The following RTP1 variants were observed in gnomAD, a reference collection of about 807,000 sequenced individuals.
The protein encoded by RTP1 is receptor-transporting protein 1.
A neutral mutation model predicts 27.1 loss-of-function variants in RTP1; 24 were observed. That is an observed-to-expected ratio of 0.89 (90% CI 0.64 to 1.25). The LOEUF (loss-of-function observed/expected upper bound fraction) is 1.25. Among genes scored for constraint, RTP1 ranks in the 50% most tolerant of loss-of-function variants. RTP1 has a pLI of 0.00. For synonymous variants in RTP1, 148 were observed against 148.1 expected (o/e 1.00, Z 0.00); for missense variants, 338 against 351.6 (o/e 0.96, Z 0.31).
chr3:187,199,821 G>T lies in RTP1; in HGVS notation c.543G>T (p.Gln181His). 1 of 1,608,886 alleles carries T rather than the reference G, an allele frequency of 6.2e-7. No homozygotes were observed. Among genetic ancestry groups the T allele is most frequent in the Non-Finnish European group, 8.5e-7 (1 of 1,175,984 alleles). The change falls in exon 2 of 2, where the codon CAG (glutamine) becomes CAT (histidine). Residue 181 changes from glutamine (Q) to histidine (H), a missense_variant. By Grantham distance (24) the Gln-to-His change is conservative. Around this residue, in one of 3 missense-constraint regions of RTP1, gnomAD observed 252 missense variants for 231.5 expected, o/e 1.09. Transcript: ENST00000312295. The part of the protein sequence containing the change: ...GQYRIHVASR[Q>H]DNRRHRGEFC... ...ACCGCATCCACGTGGCCAGCCGCCA[G>T]GACAACCGGCGGCACCGCGGAGAGT...
chr3:187,198,043 G>T (rs887978645), intron 1 of RTP1: 5 of 490,008 alleles, frequency 1.0e-5, no homozygotes, highest in Admixed American at 6.7e-5. Flanking sequence ...GGAAAATAAA[G>T]ACATAGAATA....
At chr3:187,199,481 C>G (rs1041897665) in intron 1 of RTP1, 70 bp from the exon 2 acceptor site, 4 of 1,501,846 alleles carry the variant, frequency 2.7e-6, no homozygotes, top group Non-Finnish European at 3.6e-6. Flanking sequence ...CGTCCCCTCA[C>G]GCCATTCCTA....
chr3:187,198,971 C>A (rs1721652802), intron 1 of RTP1, among the ~76,000 whole-genome samples: 1 of 152,104 alleles, frequency 6.6e-6, no homozygotes, highest in Non-Finnish European at 1.5e-5. Flanking sequence ...CTGCCCCAGA[C>A]CTGGCTGGGG....
intron 1 of RTP1, among the ~76,000 whole-genome samples, chr3:187,198,374 C>T (rs901527167): frequency 1.8e-4 from 28 of 152,176 alleles, no homozygotes; most frequent in Non-Finnish European, 4.0e-4. Flanking sequence ...ATCGGCATCA[C>T]CTGGAATTTG....
At position 187,200,211 on chromosome 3, in the gene RTP1, C is replaced by T; in HGVS notation, c.*141C>T. On this transcript the variant is annotated 3_prime_UTR_variant, in exon 2 of 2. Coordinates refer to ENST00000312295, the MANE Select transcript of RTP1 (RefSeq NM_153708.3). ...CAGTGGGGATCTTGGACAAATTATA[C>T]AGTTTTTCCATCTATAAAACTCAGG... is the stretch of plus-strand genomic sequence containing the variant. 1.5e-6 allele frequency: 1 copy of T among 682,674 alleles called. No homozygotes were observed. The highest frequency in any genetic ancestry group is 2.2e-6 in the Non-Finnish European group (1 of 462,110). The allele number at this position is 682,674 out of a possible 1,614,324, so 42.3% of individuals were successfully genotyped here.
In RTP1 at chr3:187,197,682, A is replaced by T; in HGVS notation, c.167A>T (p.Glu56Val). The T allele has an allele frequency of 6.2e-7, 1 of 1,614,184 alleles. No homozygotes were observed. The highest frequency in any genetic ancestry group is 8.5e-7 in the Non-Finnish European group (1 of 1,180,024). Reference protein sequence around the residue: ...WKKVFYEKMEEAKPADSWDLI... With the variant: ...WKKVFYEKMEVAKPADSWDLI... The stretch of plus-strand genomic sequence containing the variant: ...AAAGTCTTCTATGAGAAGATGGAGG[A>T]GGCAAAGCCGGCTGACAGCTGGGAC... Residue 56 changes from glutamate (E) to valine (V), a missense_variant, in exon 1 of 2, where the codon GAG becomes GTG. By Grantham distance (121) the Glu-to-Val change is moderately radical (BLOSUM62 -2). This residue lies in a region of RTP1 where 64 missense variants were observed against 74.5 expected (regional missense o/e 0.86). Coordinates refer to ENST00000312295, the MANE Select transcript of RTP1 (RefSeq NM_153708.3).
intron 1 of RTP1, 109 bp downstream of exon 1, chr3:187,197,896 T>A (rs1721632414): frequency 9.0e-7 from 1 of 1,114,054 alleles, no homozygotes; most frequent in Non-Finnish European, 1.3e-6. Flanking sequence ...TTAGCTTCAA[T>A]CTCACTATTA....
chr3:187,199,654 C>A lies in RTP1; in HGVS notation c.376C>A (p.Arg126Ser), dbSNP rs1342554093. Reference sequence around the variant, plus strand: ...CCAGCGGGCGGGCTCGGTGCGCATGCGCGTCTTCAAGCAGCTGTGCTATGA... The same window carrying A: ...CCAGCGGGCGGGCTCGGTGCGCATGAGCGTCTTCAAGCAGCTGTGCTATGA... The part of the protein sequence containing the change: ...RAQRAGSVRM[R>S]VFKQLCYECG... Residue 126 changes from arginine to serine, a missense_variant, in exon 2 of 2, where the codon CGC becomes AGC. This residue lies in a region of RTP1 where 252 missense variants were observed against 231.5 expected (regional missense o/e 1.09). Coordinates refer to ENST00000312295, the MANE Select transcript of RTP1 (RefSeq NM_153708.3). The A allele has an allele frequency of 2.5e-6, 4 of 1,609,812 alleles. No homozygotes were observed. Among genetic ancestry groups the A allele is most frequent in the African/African-American group, 2.7e-5 (2 of 74,842 alleles).
Position 187,200,016 on chromosome 3 carries a change from C to A in RTP1, c.738C>A (p.Ala246=). Residue 246 remains alanine (A), a synonymous_variant, in exon 2 of 2, where the codon GCC becomes GCA. Coordinates refer to ENST00000312295, the MANE Select transcript of RTP1 (RefSeq NM_153708.3). ...CTATCCCCTGGTGCTTGTTTTGGGC[C>A]ACGGTCCTGCTGCTGATCATCTACC... The part of the protein sequence containing the change: ...FCSIPWCLFW[A]TVLLLIIYLQ... 1 of 1,531,712 alleles carries A rather than the reference C, an allele frequency of 6.5e-7. No individual in the cohort carries two copies. The highest frequency in any genetic ancestry group is 8.8e-7 in the Non-Finnish European group (1 of 1,139,286). The allele number at this position is 1,531,712 out of a possible 1,614,324, so 94.9% of individuals were successfully genotyped here.
In RTP1 at chr3:187,199,639, G is replaced by A. The variant is rs1167464570; in HGVS notation, c.361G>A (p.Gly121Ser). The A allele has an allele frequency of 1.2e-6, 2 of 1,609,174 alleles. No homozygotes were observed. Among genetic ancestry groups the A allele is most frequent in the African/African-American group, 1.3e-5 (1 of 74,842 alleles). The change falls in exon 2 of 2, where the codon GGC becomes AGC. Residue 121 changes from glycine to serine, a missense_variant. Gly to Ser is a moderately conservative substitution (Grantham distance 56). Around this residue, in one of 3 missense-constraint regions of RTP1, gnomAD observed 252 missense variants for 231.5 expected, o/e 1.09. Transcript: ENST00000312295. The stretch of plus-strand genomic sequence containing the variant: ...GTTCCTGGACCGCGCCCAGCGGGCG[G>A]GCTCGGTGCGCATGCGCGTCTTCAA... ...HMFLDRAQRA[G>S]SVRMRVFKQL...
chr3:187,197,761 G>C lies in RTP1; in HGVS notation c.246G>C (p.Gln82His). The change falls in exon 1 of 2, where the codon CAG (glutamine) becomes CAC (histidine). Residue 82 changes from glutamine to histidine, a missense_variant. Coordinates refer to ENST00000312295, the MANE Select transcript of RTP1 (RefSeq NM_153708.3). Reference protein sequence around the residue: ...KHNVLSPGWKQYLELHASGRF... With the variant: ...KHNVLSPGWKHYLELHASGRF... ...ATGTGCTGAGCCCTGGTTGGAAGCA[G>C]TACCTGGAATTGCATGCTTCAGGCA... 6.2e-7 allele frequency: 1 copy of C among 1,613,866 alleles called. No individual in the cohort carries two copies. The highest frequency in any genetic ancestry group is 8.5e-7 in the Non-Finnish European group (1 of 1,179,702).
chr3:187,200,749 TTG>T lies in RTP1; in HGVS notation c.*681_*682del, dbSNP rs3086943. 17,776 of 152,022 alleles carry T rather than the reference TTG, an allele frequency of 0.12. 1,285 individuals carry two copies. The highest frequency in any genetic ancestry group is 0.2 in the African/African-American group (8,457 of 41,386). The allele number at this position is 152,022 out of a possible 1,614,324, so 9.4% of individuals were successfully genotyped here. On this transcript the variant is annotated 3_prime_UTR_variant, in exon 2 of 2. Coordinates refer to ENST00000312295, the MANE Select transcript of RTP1 (RefSeq NM_153708.3). ...GCCAGGTACACAGGGTCTCTTTTTT[TTG>T]TTTCTCAGATTCCAGCTTCTTTCCA...
Position 187,197,508 on chromosome 3 carries a change from T to G in RTP1, c.-8T>G. The stretch of plus-strand genomic sequence containing the variant: ...GGAGCTGGGTCCTGCTTCCTCCTGG[T>G]CTTGTCGATGAGGATTTTTAGACCG... On this transcript the variant is annotated 5_prime_UTR_variant, in exon 1 of 2. Transcript: ENST00000312295. 2.5e-6 allele frequency: 4 copies of G among 1,611,386 alleles called. No homozygotes were observed. The South Asian group carries it at 3.3e-5, about 13-fold the overall frequency.
Position 187,199,689 on chromosome 3 carries a change from G to A in RTP1, c.411G>A (p.Thr137=), listed in dbSNP as rs762825309. The A allele has an allele frequency of 6.2e-7, 1 of 1,612,254 alleles. No individual in the cohort carries two copies. Among genetic ancestry groups the A allele is most frequent in the South Asian group, 1.1e-5 (1 of 91,022 alleles). ...VFKQLCYECG[T]ARLDESSMLE... is the part of the protein sequence containing the mutation. ...AGCAGCTGTGCTATGAGTGCGGCAC[G>A]GCGCGGCTGGACGAGTCCAGCATGC... Residue 137 remains threonine (T), a synonymous_variant, in exon 2 of 2, where the codon ACG becomes ACA. Coordinates refer to ENST00000312295, the MANE Select transcript of RTP1 (RefSeq NM_153708.3).
chr3:187,198,725 A>G (rs1461231602), intron 1 of RTP1: 1 of 152,258 alleles, frequency 6.6e-6, no homozygotes, highest in Non-Finnish European at 1.5e-5. Context: ...AAAAGAAAAC[A>G]TTAATTAGGT....
In RTP1 at chr3:187,199,374, G is replaced by A. The variant is rs1249926128; in HGVS notation, c.273-177G>A. ...CCTGAGGAACCTGCTGTAGTCCTAG[G>A]GGCACTTGCAAGGCTGAGTGGCTTC... is the stretch of plus-strand genomic sequence containing the variant. On this transcript the variant is annotated intron_variant, in intron 1 of 1. Transcript: ENST00000312295. The A allele has an allele frequency of 3.4e-5, 21 of 623,504 alleles. No individual in the cohort carries two copies. The East Asian group carries it at 4.4e-4, about 13-fold the overall frequency. The allele number at this position is 623,504 out of a possible 1,614,324, so 38.6% of individuals were successfully genotyped here.
At position 187,197,560 on chromosome 3, in the gene RTP1, C is replaced by G; in HGVS notation, c.45C>G (p.His15Gln). 1 of 1,614,202 alleles carries G rather than the reference C, an allele frequency of 6.2e-7. No homozygotes were observed. The highest frequency in any genetic ancestry group is 1.7e-5 in the Admixed American group (1 of 60,028). Residue 15 changes from histidine to glutamine, a missense_variant, in exon 1 of 2, where the codon CAC (histidine) becomes CAG (glutamine). His to Gln is a conservative substitution (Grantham distance 24, BLOSUM62 0). Coordinates refer to ENST00000312295, the MANE Select transcript of RTP1 (RefSeq NM_153708.3). ...RPWRLRCPAL[H>Q]LPSLSVFSLR... The stretch of plus-strand genomic sequence containing the variant: ...GGAGACTGCGCTGCCCTGCCCTGCA[C>G]CTACCCTCACTCTCCGTGTTCTCAC...
intron 1 of RTP1, chr3:187,198,164 C>T (rs1369955435): frequency 1.1e-5 from 2 of 182,180 alleles, no homozygotes; most frequent in South Asian, 1.5e-4. Context: ...GGGGTCGAGA[C>T]GTCCGTGCTC....
At position 187,199,831 on chromosome 3, in the gene RTP1, C is replaced by T. The variant is rs926145867; in HGVS notation, c.553C>T (p.Arg185Trp). The T allele has an allele frequency of 1.9e-6, 3 of 1,608,244 alleles. No individual in the cohort carries two copies. The highest frequency in any genetic ancestry group is 1.1e-5 in the South Asian group (1 of 90,900). The change falls in exon 2 of 2, where the codon CGG (arginine) becomes TGG (tryptophan). Residue 185 changes from arginine to tryptophan, a missense_variant. Arg to Trp is a moderately radical substitution (Grantham distance 101). This residue lies in a region of RTP1 where 252 missense variants were observed against 231.5 expected (regional missense o/e 1.09). Transcript: ENST00000312295. ...IHVASRQDNR[R>W]HRGEFCEACQ... ...CGTGGCCAGCCGCCAGGACAACCGG[C>T]GGCACCGCGGAGAGTTCTGCGAGGC... is the stretch of plus-strand genomic sequence containing the variant.
Sources: allele counts gnomAD v4.1 joint callset (sites outside exome capture counted in the v4.1 genomes callset), GRCh38; gene constraint gnomAD v4.1.1; regional missense constraint gnomAD v4.1.1; transcripts MANE v1.5; gene names NCBI Gene and HGNC (gene_info 2026-07-23, HGNC 2026-07-21).